MBTD1: variants seen among roughly 807,000 people sequenced by gnomAD.
The protein encoded by MBTD1 is mbt domain containing 1.
Under a neutral mutation model 87.8 loss-of-function variants are expected in MBTD1, and 24 were observed. The ratio of observed to expected loss-of-function variants is 0.27; its 90% CI spans 0.20 to 0.38. The LOEUF (loss-of-function observed/expected upper bound fraction) is 0.38. Ranked by LOEUF, MBTD1 falls within the 10% of genes least tolerant of loss-of-function variation. The pLI, the probability that MBTD1 is intolerant of heterozygous loss-of-function variation, is 1.00. For missense variants in MBTD1, 436 were observed against 760.2 expected (o/e 0.57, Z 5.02); for synonymous variants, 237 against 248.6 (o/e 0.95, Z 0.44).
At chr17:51,191,954 T>C (rs1048604275) in intron 16 of MBTD1, 29 of 431,034 alleles carry the variant, frequency 6.7e-5, no homozygotes, top group Non-Finnish European at 1.6e-5. Context: ...ATTTCAAGAA[T>C]CATTCACAGA....
intron 2 of MBTD1, among the ~76,000 whole-genome samples, chr17:51,258,674 T>C (rs1001477422): frequency 7.2e-5 from 11 of 152,150 alleles, no homozygotes; most frequent in South Asian, 4.1e-4. Context: ...AGAAGTGATT[T>C]AGGTAATAAA....
At chr17:51,208,624 T>C (rs2051993907) in intron 6 of MBTD1, among the ~76,000 whole-genome samples, 1 of 152,228 alleles carries the variant, frequency 6.6e-6, no homozygotes, top group Non-Finnish European at 1.5e-5. Flanking sequence ...ATGAATGCAG[T>C]GCAGCATCCA....
chr17:51,227,649 A>C (rs1190193246), intron 2 of MBTD1, among the ~76,000 whole-genome samples: 2 of 152,112 alleles, frequency 1.3e-5, no homozygotes, highest in African/African-American at 4.8e-5. Context: ...GAAGGGTCTA[A>C]CAGAAAATTT....
rs958034869 is a variant in MBTD1, at chr17:51,237,163, G to T, written c.-48-11954C>A. On this transcript the variant is annotated intron_variant, in intron 2 of 16. Transcript: ENST00000586178. Reference sequence around the variant, plus strand: ...ATACAAAAATTAGCTGGGCATGATGGCAGGTGCCTGTAATCTCAGCTACTC... The same window carrying T: ...ATACAAAAATTAGCTGGGCATGATGTCAGGTGCCTGTAATCTCAGCTACTC... Among the ~76,000 whole-genome samples the T allele has an allele frequency of 3.3e-5, 5 of 152,066 alleles. No homozygotes were observed. In the South Asian group the frequency reaches 6.2e-4, roughly 19 times the overall value.
At chr17:51,217,561 C>T (rs942291128) in intron 5 of MBTD1, 145 bp from the exon 6 acceptor site, 1 of 520,778 alleles carries the variant, frequency 1.9e-6, no homozygotes, top group African/African-American at 2.0e-5. Flanking sequence ...CAAATAACTT[C>T]TCTAAATAGC....
chr17:51,256,436 T>G (rs2055093239), intron 2 of MBTD1: 1 of 152,188 alleles, frequency 6.6e-6, no homozygotes, highest in African/African-American at 2.4e-5. Flanking sequence ...ATGGAGTGTT[T>G]CCCTAACCAA....
intron 2 of MBTD1, chr17:51,251,891 G>A (rs1259510639): frequency 3.3e-5 from 5 of 152,206 alleles, no homozygotes; most frequent in East Asian, 1.9e-4. Context: ...TCAGTCTCCC[G>A]AGAAGCTGGG....
Position 51,205,562 on chromosome 17 carries a change from G to C in MBTD1, c.604+1326C>G, listed in dbSNP as rs147805798. 2.7e-3 allele frequency among the ~76,000 whole-genome samples: 410 copies of C among 152,254 alleles called. 4 individuals carry two copies. The highest frequency in any genetic ancestry group is 0.016 in the South Asian group (76 of 4,822). Reference sequence around the variant, plus strand: ...AAGAAAAAGATGGGGAATTGACTTGGGTAGTAGTACAGTTCAGTACAGAGA... The same window carrying C: ...AAGAAAAAGATGGGGAATTGACTTGCGTAGTAGTACAGTTCAGTACAGAGA... On this transcript the variant is annotated intron_variant, in intron 7 of 16. Coordinates refer to ENST00000586178, the MANE Select transcript of MBTD1 (RefSeq NM_017643.3).
chr17:51,180,378 A>G lies in MBTD1; in HGVS notation c.*198T>C. The G allele has an allele frequency of 2.3e-6, 1 of 430,092 alleles. No homozygotes were observed. The highest frequency in any genetic ancestry group is 4.1e-6 in the Non-Finnish European group (1 of 245,272). 26.6% of individuals were successfully genotyped at this position (430,092 alleles called of 1,614,324 possible). ...TTCAAATACAACACAAAAATTGTCC[A>G]TCTTTATAAATTGAAAATTTCCCAC... is the stretch of plus-strand genomic sequence containing the variant. On this transcript the variant is annotated 3_prime_UTR_variant, in exon 17 of 17. Coordinates refer to ENST00000586178, the MANE Select transcript of MBTD1 (RefSeq NM_017643.3).
At chr17:51,190,084 T>C (rs1263471937) in intron 16 of MBTD1, among the ~76,000 whole-genome samples, 1 of 152,142 alleles carries the variant, frequency 6.6e-6, no homozygotes, top group Non-Finnish European at 1.5e-5. Flanking sequence ...CAGTAGAAAT[T>C]TTTAAGTTTC....
intron 6 of MBTD1, among the ~76,000 whole-genome samples, chr17:51,212,748 CTTAA>C (rs148322293): frequency 2.6e-5 from 4 of 152,022 alleles, no homozygotes; most frequent in East Asian, 3.9e-4. Context: ...ATGAAGAGTG[CTTAA>C]TTTATTTATC....
In MBTD1 at chr17:51,221,675, C is replaced by A. The variant is rs1263822596; in HGVS notation, c.155-1212G>T. ...TGCGTCTGTACTGACCATACACAGA[C>A]CGTTTTTTTCTTATTATTCTCTAAA... is the stretch of plus-strand genomic sequence containing the variant. On this transcript the variant is annotated intron_variant, in intron 3 of 16. Coordinates refer to ENST00000586178, the MANE Select transcript of MBTD1 (RefSeq NM_017643.3). Among the ~76,000 whole-genome samples, 2 of 152,072 alleles carry A rather than the reference C, an allele frequency of 1.3e-5. 1 individual carries two copies. The highest frequency in any genetic ancestry group is 2.9e-5 in the Non-Finnish European group (2 of 68,018).
intron 3 of MBTD1, among the ~76,000 whole-genome samples, chr17:51,220,930 A>T (rs1297069406): frequency 6.6e-6 from 1 of 152,226 alleles, no homozygotes; most frequent in African/African-American, 2.4e-5. Context: ...TACTTGGAAA[A>T]ATGCTAAGAG....
At chr17:51,186,214 T>C (rs2050526977) in intron 16 of MBTD1, 1 of 152,646 alleles carries the variant, frequency 6.6e-6, no homozygotes, top group Non-Finnish European at 1.5e-5. Flanking sequence ...GGCATCTTCC[T>C]CTCTAAATAT....
chr17:51,249,028 AC>A (rs2054615486), intron 2 of MBTD1, among the ~76,000 whole-genome samples: 1 of 151,926 alleles, frequency 6.6e-6, no homozygotes. Context: ...AGGCAGGAAG[AC>A]TGCTTGAGCC....
chr17:51,245,679 T>C (rs1208724491), intron 2 of MBTD1, among the ~76,000 whole-genome samples: 2 of 152,072 alleles, frequency 1.3e-5, no homozygotes, highest in Non-Finnish European at 2.9e-5. Context: ...CCATATGTAG[T>C]TGTGTCCATT....
intron 2 of MBTD1, among the ~76,000 whole-genome samples, chr17:51,245,408 T>C (rs2054377043): frequency 6.6e-6 from 1 of 152,194 alleles, no homozygotes; most frequent in African/African-American, 2.4e-5. Context: ...AATGTATCAG[T>C]ATTTTATTTC....
At position 51,203,816 on chromosome 17, in the gene MBTD1, G is replaced by T. The variant is rs770734259; in HGVS notation, c.714C>A (p.Ser238Arg). ...TTCTAGGAGGAACAAGAGGTTTTCC[G>T]CTGGCTGCACACCAACCAACTGGAT... ...DIHPVGWCAA[S>R]GKPLVPPRTI... is the part of the protein sequence containing the mutation. Residue 238 changes from serine to arginine, a missense_variant, in exon 8 of 17, where the codon AGC (serine) becomes AGA (arginine). This residue lies in a region of MBTD1 where 268 missense variants were observed against 401.8 expected (regional missense o/e 0.67). Transcript: ENST00000586178. 6.2e-7 allele frequency: 1 copy of T among 1,612,488 alleles called. No individual in the cohort carries two copies. Among genetic ancestry groups the T allele is most frequent in the Non-Finnish European group, 8.5e-7 (1 of 1,179,592 alleles).
chr17:51,245,480 C>T (rs527819062), intron 2 of MBTD1, among the ~76,000 whole-genome samples: 17 of 151,940 alleles, frequency 1.1e-4, no homozygotes, highest in African/African-American at 4.1e-4. Context: ...AAAATTTTCC[C>T]GTATTTTTTC....
Sources: allele counts gnomAD v4.1 joint callset (sites outside exome capture counted in the v4.1 genomes callset), GRCh38; gene constraint gnomAD v4.1.1; regional missense constraint gnomAD v4.1.1; transcripts MANE v1.5; gene names NCBI Gene and HGNC (gene_info 2026-07-23, HGNC 2026-07-21).